Variants in DACH1 observed in about 807,000 individuals in gnomAD.
The protein encoded by DACH1 is dachshund homolog 1.
A neutral mutation model predicts 54.2 loss-of-function variants in DACH1; 12 were observed. The observed-to-expected ratio is 0.22, with a 90% CI of 0.14 to 0.36. DACH1 has a LOEUF of 0.36. DACH1 is among the 10% of genes least tolerant of loss of function. The pLI is 1.00. For synonymous variants in DACH1, 386 were observed against 366.2 expected, an observed-to-expected ratio of 1.05 and a Z score of -0.62; for missense variants, 805 against 929.8, an observed-to-expected ratio of 0.87 and a Z score of 1.75.
intron 1 of DACH1, among the ~76,000 whole-genome samples, chr13:71,683,111 A>T (rs1288369696): frequency 2.6e-5 from 4 of 152,266 alleles, no homozygotes; most frequent in South Asian, 2.1e-4. Flanking sequence ...TCATTGAGCA[A>T]ATAATTATTA....
At chr13:71,809,615 T>C (rs578139738) in intron 1 of DACH1, among the ~76,000 whole-genome samples, 21 of 152,338 alleles carry the variant, frequency 1.4e-4, no homozygotes, top group Admixed American at 5.9e-4. Flanking sequence ...CTGCTAAGCA[T>C]ATAGTAACAT....
intron 1 of DACH1, among the ~76,000 whole-genome samples, chr13:71,708,663 A>G (rs1882560910): frequency 6.6e-6 from 1 of 152,018 alleles, no homozygotes; most frequent in Non-Finnish European, 1.5e-5. Flanking sequence ...TCTTCGTTGA[A>G]GATTTAAATA....
At chr13:71,817,151 T>A (rs1015154762) in intron 1 of DACH1, among the ~76,000 whole-genome samples, 1 of 152,050 alleles carries the variant, frequency 6.6e-6, no homozygotes, top group African/African-American at 2.4e-5. Context: ...ATAAGACATA[T>A]AAAGGAGAAA....
chr13:71,844,430 C>T (rs1367154977), intron 1 of DACH1, among the ~76,000 whole-genome samples: 1 of 152,140 alleles, frequency 6.6e-6, no homozygotes, highest in African/African-American at 2.4e-5. Context: ...ACTTTTTCAA[C>T]ATACAGTTGA....
chr13:71,456,159 T>A (rs576644692), intron 10 of DACH1, among the ~76,000 whole-genome samples: 9 of 152,136 alleles, frequency 5.9e-5, no homozygotes, highest in Non-Finnish European at 1.3e-4. Flanking sequence ...TCTCAGCATA[T>A]ATTAAATTTC....
rs879310195 is a variant in DACH1 at position 71,848,548 on chromosome 13, G to GT, written c.848+17373dup. On this transcript the variant is annotated intron_variant, in intron 1 of 10. Transcript: ENST00000613252. ...TTCTAAACAGAAAACAACTTTTTCA[G>GT]TTTTTTTTTTTGGAAACACAGTCTC... is the stretch of plus-strand genomic sequence containing the variant. 2.3e-3 allele frequency among the ~76,000 whole-genome samples: 339 copies of GT among 145,776 alleles called. 1 individual carries two copies. Among genetic ancestry groups the GT allele is most frequent in the Admixed American group, 2.1e-3 (31 of 14,618 alleles).
intron 6 of DACH1, among the ~76,000 whole-genome samples, chr13:71,520,654 A>G (rs2138280269): frequency 6.6e-6 from 1 of 151,862 alleles, no homozygotes; most frequent in South Asian, 2.1e-4. Context: ...ATTATAGACA[A>G]TTACATATAA....
intron 1 of DACH1, among the ~76,000 whole-genome samples, chr13:71,860,683 C>T (rs1874293745): frequency 6.6e-6 from 1 of 151,852 alleles, no homozygotes; most frequent in Non-Finnish European, 1.5e-5. Flanking sequence ...TTTAATTTCC[C>T]ATTATATTTT....
chr13:71,517,725 A>G (rs1171311749), intron 6 of DACH1, among the ~76,000 whole-genome samples: 2 of 151,874 alleles, frequency 1.3e-5, no homozygotes, highest in Non-Finnish European at 2.9e-5. Flanking sequence ...CATGAGCACA[A>G]CCAGAAGTCC....
At chr13:71,557,255 G>C (rs552540287) in intron 5 of DACH1, 97 bp from the exon 6 acceptor site, 1 of 972,210 alleles carries the variant, frequency 1.0e-6, no homozygotes, top group Admixed American at 3.4e-5. Context: ...GGACTCAACA[G>C]TAACTATAAT....
intron 3 of DACH1, among the ~76,000 whole-genome samples, chr13:71,592,836 G>C (rs2138467207): frequency 6.6e-6 from 1 of 152,258 alleles, no homozygotes; most frequent in Admixed American, 6.5e-5. Context: ...TTCATCTTCA[G>C]TCTTTGAATT....
intron 1 of DACH1, among the ~76,000 whole-genome samples, chr13:71,765,675 C>T (rs1885589106): frequency 6.6e-6 from 1 of 152,104 alleles, no homozygotes; most frequent in Non-Finnish European, 1.5e-5. Flanking sequence ...ATGTGCCAAG[C>T]ACTGTTGAAA....
intron 1 of DACH1, among the ~76,000 whole-genome samples, chr13:71,809,330 C>G (rs528999401): frequency 6.6e-6 from 1 of 152,186 alleles, no homozygotes; most frequent in South Asian, 2.1e-4. Flanking sequence ...GCCACTCCAC[C>G]TGACTAACTT....
chr13:71,812,419 G>C (rs1887747428), intron 1 of DACH1, among the ~76,000 whole-genome samples: 1 of 152,064 alleles, frequency 6.6e-6, no homozygotes, highest in Non-Finnish European at 1.5e-5. Flanking sequence ...TTCTTATCTT[G>C]ATGAATTCAG....
At chr13:71,619,142 T>G (rs553825720) in intron 3 of DACH1, among the ~76,000 whole-genome samples, 6 of 151,806 alleles carry the variant, frequency 4.0e-5, no homozygotes, top group African/African-American at 1.4e-4. Context: ...ACATATAAAT[T>G]TATATATTTT....
At position 71,525,459 on chromosome 13, in the gene DACH1, T is replaced by C. The variant is rs538787503; in HGVS notation, c.1570+31565A>G. On this transcript the variant is annotated intron_variant, in intron 6 of 10. Coordinates refer to ENST00000613252, the MANE Select transcript of DACH1 (RefSeq NM_080759.6). ...GTTATTGTCAAGAATTAATAAATAT[T>C]ATTTTAAACAATATAAATTATTTTC... is the stretch of plus-strand genomic sequence containing the variant. 2.0e-5 allele frequency among the ~76,000 whole-genome samples: 3 copies of C among 152,294 alleles called. No individual in the cohort carries two copies. In the East Asian group the frequency reaches 5.8e-4, roughly 29 times the overall value.
At chr13:71,525,939 A>G (rs934782047) in intron 6 of DACH1, among the ~76,000 whole-genome samples, 1 of 152,118 alleles carries the variant, frequency 6.6e-6, no homozygotes, top group Admixed American at 6.5e-5. Context: ...TGAAGAACCA[A>G]GAGATCAATG....
chr13:71,795,074 T>C (rs956579900), intron 1 of DACH1, among the ~76,000 whole-genome samples: 1 of 152,114 alleles, frequency 6.6e-6, no homozygotes, highest in African/African-American at 2.4e-5. Flanking sequence ...TAAATAAGAG[T>C]ATAAAATGAG....
At chr13:71,763,768 A>G (rs999237718) in intron 1 of DACH1, among the ~76,000 whole-genome samples, 1 of 152,240 alleles carries the variant, frequency 6.6e-6, no homozygotes, top group South Asian at 2.1e-4. Flanking sequence ...AAATTAAAGT[A>G]GCAAAAATAT....
Sources: allele counts gnomAD v4.1 joint callset (sites outside exome capture counted in the v4.1 genomes callset), GRCh38; gene constraint gnomAD v4.1.1; transcripts MANE v1.5; gene names NCBI Gene and HGNC (gene_info 2026-07-23, HGNC 2026-07-21).